The following LIMD1 variants were observed in gnomAD, a reference collection of about 807,000 sequenced individuals.
The protein encoded by LIMD1 is LIM domain-containing protein 1.
Under a neutral mutation model 58.4 loss-of-function variants are expected in LIMD1, and 23 were observed. The ratio of observed to expected loss-of-function variants is 0.39; its 90% CI spans 0.28 to 0.56. LIMD1 has a LOEUF of 0.56. Among genes scored for constraint, LIMD1 ranks in the 20% least tolerant of loss-of-function variants. The pLI, the probability that LIMD1 is intolerant of heterozygous loss-of-function variation, is 0.57. For synonymous variants in LIMD1, 334 were observed against 345.5 expected, an observed-to-expected ratio of 0.97 and a Z score of 0.37; for missense variants, 838 against 855.5, an observed-to-expected ratio of 0.98 and a Z score of 0.25.
At chr3:45,641,583 TC>T (rs1473017458) in intron 2 of LIMD1, among the ~76,000 whole-genome samples, 3 of 151,670 alleles carry the variant, frequency 2.0e-5, no homozygotes, top group African/African-American at 7.3e-5. Flanking sequence ...TACACATACT[TC>T]CTGAGGTCCA....
intron 2 of LIMD1, among the ~76,000 whole-genome samples, chr3:45,664,077 G>T (rs1414008169): frequency 6.6e-6 from 1 of 151,790 alleles, no homozygotes; most frequent in East Asian, 1.9e-4. Context: ...CACCATATTG[G>T]CCAGGCTGAT....
chr3:45,613,105 C>G (rs1035351607), intron 1 of LIMD1: 1 of 152,150 alleles, frequency 6.6e-6, no homozygotes, highest in African/African-American at 2.4e-5. Flanking sequence ...GGAGTGCTTT[C>G]TAGTGTTCCT....
At chr3:45,613,182 G>A (rs573802174) in intron 1 of LIMD1, among the ~76,000 whole-genome samples, 1 of 152,308 alleles carries the variant, frequency 6.6e-6, no homozygotes, top group East Asian at 1.9e-4. Context: ...CTTCAGGCAC[G>A]AGCTACAGGG....
At chr3:45,611,883 G>T (rs1387529287) in intron 1 of LIMD1, among the ~76,000 whole-genome samples, 1 of 152,188 alleles carries the variant, frequency 6.6e-6, no homozygotes. Context: ...CACCTCTCTG[G>T]GTTGCCCATG....
chr3:45,638,328 G>A (rs1023296473), intron 2 of LIMD1, among the ~76,000 whole-genome samples: 1 of 152,122 alleles, frequency 6.6e-6, no homozygotes, highest in African/African-American at 2.4e-5. Flanking sequence ...GATTCAAGAC[G>A]TGCAGGTTTG....
chr3:45,635,807 G>A lies in LIMD1; in HGVS notation c.1409-343G>A, dbSNP rs994731663. The A allele has an allele frequency of 1.0e-5, 7 of 667,260 alleles. No individual in the cohort carries two copies. The East Asian group carries it at 4.2e-4, about 40-fold the overall frequency. The allele number at this position is 667,260 out of a possible 1,614,324, so 41.3% of individuals were successfully genotyped here. On this transcript the variant is annotated intron_variant, in intron 1 of 7. Coordinates refer to ENST00000273317, the MANE Select transcript of LIMD1 (RefSeq NM_014240.3). ...CAACCTGCATGCTTGGCATATTATA[G>A]TGATGGTGCAATCTTTCTGAACTGT...
At chr3:45,657,337 G>A (rs1256678301) in intron 2 of LIMD1, among the ~76,000 whole-genome samples, 1 of 152,026 alleles carries the variant, frequency 6.6e-6, no homozygotes, top group Admixed American at 6.6e-5. Context: ...CAAGTAAAAG[G>A]CCCAGTACCT....
intron 2 of LIMD1, among the ~76,000 whole-genome samples, chr3:45,660,774 ATCAGCTG>A (rs1199137198): frequency 1.2e-4 from 18 of 152,172 alleles, no homozygotes; most frequent in Non-Finnish European, 4.4e-5. Context: ...AGGGCAGCAG[ATCAGCTG>A]TCACCCAGGT....
intron 2 of LIMD1, among the ~76,000 whole-genome samples, chr3:45,639,526 C>A (rs941299735): frequency 6.6e-6 from 1 of 152,134 alleles, no homozygotes; most frequent in African/African-American, 2.4e-5. Context: ...GCCCACTTCC[C>A]GGGCACTCAT....
rs1379390960 is a variant in LIMD1, at chr3:45,682,358, CTG to C, written c.*5300_*5301del. 3 of 152,194 alleles carry C rather than the reference CTG, an allele frequency of 2.0e-5. No individual in the cohort carries two copies. The highest frequency in any genetic ancestry group is 4.4e-5 in the Non-Finnish European group (3 of 68,054). 9.4% of individuals were successfully genotyped at this position (152,194 alleles called of 1,614,324 possible). A position where few individuals can be genotyped will look rare whatever the true frequency, so the allele number is the denominator to read the frequency against. ...AAAAAGCCTTGATATGGAGTGTTTG[CTG>C]ATACCTATGATGTAAATATTCCCGC... On this transcript the variant is annotated 3_prime_UTR_variant, in exon 8 of 8. Coordinates refer to ENST00000273317, the MANE Select transcript of LIMD1 (RefSeq NM_014240.3).
chr3:45,619,457 G>A (rs1427467678), intron 1 of LIMD1, among the ~76,000 whole-genome samples: 2 of 152,078 alleles, frequency 1.3e-5, no homozygotes, highest in African/African-American at 4.8e-5. Context: ...TCTGATATTC[G>A]AATTTGCATG....
intron 1 of LIMD1, among the ~76,000 whole-genome samples, chr3:45,598,050 C>T (rs1396682020): frequency 2.6e-5 from 4 of 151,810 alleles, no homozygotes; most frequent in South Asian, 4.1e-4. Flanking sequence ...TGCAGTGCAC[C>T]CTAGACCTCC....
At chr3:45,666,371 T>C (rs1382831301) in intron 3 of LIMD1, among the ~76,000 whole-genome samples, 1 of 152,182 alleles carries the variant, frequency 6.6e-6, no homozygotes, top group Non-Finnish European at 1.5e-5. Flanking sequence ...CCAGGCTAGC[T>C]TAACGGCCTC....
chr3:45,595,304 G>T lies in LIMD1; in HGVS notation c.425G>T (p.Arg142Met). Reference protein sequence around the residue: ...QRSRPYLHGTRHGSQDCGSRE... With the variant: ...QRSRPYLHGTMHGSQDCGSRE... ...TCCAGGCCATACCTGCATGGCACGA[G>T]GCATGGCAGCCAGGACTGTGGTTCC... The change falls in exon 1 of 8, where the codon AGG becomes ATG. Residue 142 changes from arginine (R) to methionine (M), a missense_variant. This residue lies in a region of LIMD1 where 659 missense variants were observed against 639.8 expected (regional missense o/e 1.03). Coordinates refer to ENST00000273317, the MANE Select transcript of LIMD1 (RefSeq NM_014240.3). The T allele has an allele frequency of 6.2e-7, 1 of 1,613,436 alleles. No individual in the cohort carries two copies. Among genetic ancestry groups the T allele is most frequent in the South Asian group, 1.1e-5 (1 of 91,088 alleles).
At chr3:45,676,807 C>T in intron 7 of LIMD1, 115 bp from the exon 8 acceptor site, 1 of 1,004,932 alleles carries the variant, frequency 1.0e-6, no homozygotes, top group South Asian at 1.4e-5. Flanking sequence ...ACTGGCATTT[C>T]CTGCCTATAC....
intron 2 of LIMD1, among the ~76,000 whole-genome samples, chr3:45,664,822 T>C (rs1419861283): frequency 1.3e-5 from 2 of 152,200 alleles, no homozygotes; most frequent in East Asian, 3.9e-4. Context: ...CCAAAGGGCT[T>C]GGTTTAACTT....
intron 2 of LIMD1, among the ~76,000 whole-genome samples, chr3:45,664,563 C>T (rs992703370): frequency 6.6e-6 from 1 of 152,216 alleles, no homozygotes; most frequent in Non-Finnish European, 1.5e-5. Context: ...ACCACCACAG[C>T]AAAGAAGATG....
At chr3:45,653,018 G>T (rs1300060843) in intron 2 of LIMD1, among the ~76,000 whole-genome samples, 1 of 152,252 alleles carries the variant, frequency 6.6e-6, no homozygotes, top group Non-Finnish European at 1.5e-5. Context: ...AGATGAGAAC[G>T]TTTAGAGACC....
intron 2 of LIMD1, among the ~76,000 whole-genome samples, chr3:45,645,324 A>G (rs1040815145): frequency 7.2e-5 from 11 of 152,242 alleles, no homozygotes; most frequent in African/African-American, 2.7e-4. Context: ...AGTCCCTGAC[A>G]GGGAAGACCA....
Sources: gnomAD v4.1 joint callset for allele counts (sites outside exome capture counted in the v4.1 genomes callset) on GRCh38, gnomAD v4.1.1 for gene constraint, gnomAD v4.1.1 regional missense constraint, MANE v1.5 for transcripts, NCBI Gene and HGNC (gene_info 2026-07-23, HGNC 2026-07-21) for gene names.